EFCAB14: variants seen among roughly 807,000 people sequenced by gnomAD.
The protein encoded by EFCAB14 is EF-hand calcium-binding domain-containing protein 14.
A neutral mutation model predicts 56.5 loss-of-function variants in EFCAB14; 43 were observed. The observed-to-expected ratio is 0.76, with a 90% CI of 0.60 to 0.98. EFCAB14 has a LOEUF of 0.98. Among genes scored for constraint, EFCAB14 ranks in the 50% least tolerant of loss-of-function variants. EFCAB14 has a pLI of 0.00. For missense variants in EFCAB14, 538 were observed against 580.3 expected, an observed-to-expected ratio of 0.93 and a Z score of 0.75; for synonymous variants, 235 against 212.9, an observed-to-expected ratio of 1.10 and a Z score of -0.90.
chr1:46,680,223 C>A (rs1415143078), intron 10 of EFCAB14, among the ~76,000 whole-genome samples: 1 of 152,126 alleles, frequency 6.6e-6, no homozygotes, highest in African/African-American at 2.4e-5. Context: ...ATACTCAAGG[C>A]AAATGAAAAC....
chr1:46,688,441 C>T lies in EFCAB14; in HGVS notation c.899G>A (p.Ser300Asn). 1.9e-6 allele frequency: 3 copies of T among 1,614,014 alleles called. No individual in the cohort carries two copies. Among genetic ancestry groups the T allele is most frequent in the Non-Finnish European group, 2.5e-6 (3 of 1,179,916 alleles). ...CAGGTTGACTCTCTGGGTAAGATTA[C>T]TGACTGTCTCGTTCATTCCCTCGAG... ...LKLEGMNETVSNLTQRVNLIE... is the reference protein window; with the variant it reads ...LKLEGMNETVNNLTQRVNLIE... Residue 300 changes from serine (S) to asparagine (N), a missense_variant, in exon 7 of 11, where the codon AGT becomes AAT. Coordinates refer to ENST00000371933, the MANE Select transcript of EFCAB14 (RefSeq NM_014774.3).
At chr1:46,716,851 C>T (rs1479868390) in intron 1 of EFCAB14, among the ~76,000 whole-genome samples, 2 of 152,222 alleles carry the variant, frequency 1.3e-5, no homozygotes, top group Admixed American at 1.3e-4. Context: ...GAACCTTGCT[C>T]CAGTTTACTG....
rs116141539 is a variant in EFCAB14 at position 46,717,292 on chromosome 1, G to A, written c.185+611C>T. 5.1e-3 allele frequency among the ~76,000 whole-genome samples: 770 copies of A among 152,252 alleles called. 10 individuals are homozygous for A. The highest frequency in any genetic ancestry group is 0.017 in the African/African-American group (714 of 41,538). On this transcript the variant is annotated intron_variant, in intron 1 of 10. Transcript: ENST00000371933. Reference sequence around the variant, plus strand: ...GTGTGCTCTGAGAGAGTCAAAGGACGTTTTTGAAGTTCCCTTTAGTCCTTT... The same window carrying A: ...GTGTGCTCTGAGAGAGTCAAAGGACATTTTTGAAGTTCCCTTTAGTCCTTT...
Position 46,707,931 on chromosome 1 carries a change from A to T in EFCAB14, c.455T>A (p.Ile152Lys), listed in dbSNP as rs1174575739. 1 of 1,610,966 alleles carries T rather than the reference A, an allele frequency of 6.2e-7. No homozygotes were observed. Among genetic ancestry groups the T allele is most frequent in the East Asian group, 2.2e-5 (1 of 44,734 alleles). Reference protein sequence around the residue: ...SGEMGLNKVWINITEMNKQIS... With the variant: ...SGEMGLNKVWKNITEMNKQIS... ...CTGCTTATTCATTTCTGTGATGTTTATCCAGACTTTGTTCAAACCCATCTC... is the reference window on the plus strand; with the variant it reads ...CTGCTTATTCATTTCTGTGATGTTTTTCCAGACTTTGTTCAAACCCATCTC... Residue 152 changes from isoleucine to lysine, a missense_variant, in exon 3 of 11, where the codon ATA becomes AAA. Coordinates refer to ENST00000371933, the MANE Select transcript of EFCAB14 (RefSeq NM_014774.3).
rs367816109 is a variant in EFCAB14, at chr1:46,694,028, T to C, written c.580-2091A>G. The stretch of plus-strand genomic sequence containing the variant: ...GCTGGGAAAACTGGCTAGCCATATG[T>C]AGAAAGCTGAAACTGGATCCCTTCC... On this transcript the variant is annotated intron_variant, in intron 4 of 10. Transcript: ENST00000371933. Among the ~76,000 whole-genome samples, 108 of 152,296 alleles carry C rather than the reference T, an allele frequency of 7.1e-4. 1 individual carries two copies. The highest frequency in any genetic ancestry group is 2.4e-3 in the African/African-American group (100 of 41,558).
intron 3 of EFCAB14, among the ~76,000 whole-genome samples, chr1:46,706,254 C>A (rs1388322188): frequency 6.6e-6 from 1 of 152,176 alleles, no homozygotes; most frequent in Admixed American, 6.5e-5. Context: ...AAAAACCTAT[C>A]AATGACATTG....
At chr1:46,684,678 C>A in intron 8 of EFCAB14, 76 bp from the exon 9 acceptor site, 1 of 1,234,844 alleles carries the variant, frequency 8.1e-7, no homozygotes, top group Non-Finnish European at 1.2e-6. Context: ...ATTCCCAGAG[C>A]CTGTTTAGCA....
intron 3 of EFCAB14, among the ~76,000 whole-genome samples, chr1:46,706,026 G>A (rs183273471): frequency 2.0e-5 from 3 of 151,684 alleles, no homozygotes; most frequent in Admixed American, 1.3e-4. Context: ...CACCATGCCC[G>A]GCTAATTATT....
At chr1:46,691,558 TC>T (rs1676992561) in intron 5 of EFCAB14, among the ~76,000 whole-genome samples, 1 of 152,240 alleles carries the variant, frequency 6.6e-6, no homozygotes. Context: ...TTCCTTCTTT[TC>T]CATTTTCTGT....
In EFCAB14 at chr1:46,683,228, C is replaced by T. The variant is rs1041539113; in HGVS notation, c.1312+72G>A. On this transcript the variant is annotated intron_variant, in intron 10 of 10. Coordinates refer to ENST00000371933, the MANE Select transcript of EFCAB14 (RefSeq NM_014774.3). ...AATGTTAGATCATATATATTTTTGA[C>T]AAGTGAAAATAAACATTAAAAAGTT... is the stretch of plus-strand genomic sequence containing the variant. 9.9e-6 allele frequency: 15 copies of T among 1,516,552 alleles called. No individual in the cohort carries two copies. The African/African-American group carries it at 2.0e-4, about 20-fold the overall frequency. 93.9% of individuals were successfully genotyped at this position (1,516,552 alleles called of 1,614,324 possible).
chr1:46,712,821 A>G (rs1464708527), intron 2 of EFCAB14, among the ~76,000 whole-genome samples: 5 of 151,168 alleles, frequency 3.3e-5, no homozygotes, highest in African/African-American at 9.8e-5. Flanking sequence ...CAGCCTGGCC[A>G]ACAAGGTGAA....
At chr1:46,707,781 C>G in intron 3 of EFCAB14, 125 bp downstream of exon 3, 4 of 919,560 alleles carry the variant, frequency 4.3e-6, no homozygotes, top group Non-Finnish European at 6.2e-6. Context: ...TATGCAAAAC[C>G]CCATTTCAAA....
chr1:46,688,644 G>C lies in EFCAB14; in HGVS notation c.796-100C>G, dbSNP rs1392809866. 4.1e-6 allele frequency: 4 copies of C among 980,726 alleles called. No homozygotes were observed. In the African/African-American group the frequency reaches 6.6e-5, roughly 16 times the overall value. The allele number at this position is 980,726 out of a possible 1,614,324, so 60.8% of individuals were successfully genotyped here. ...AACCATTACTATGTCAAGTACTGAA[G>C]TAAACTCCTTTTCCTGGTTTTGACC... On this transcript the variant is annotated intron_variant, in intron 6 of 10. Coordinates refer to ENST00000371933, the MANE Select transcript of EFCAB14 (RefSeq NM_014774.3).
intron 3 of EFCAB14, among the ~76,000 whole-genome samples, chr1:46,697,854 C>CTTTT (rs759488898): frequency 7.4e-6 from 1 of 134,620 alleles, no homozygotes; most frequent in Non-Finnish European, 1.6e-5. Flanking sequence ...CTCTCTCTCT[C>CTTTT]TTTTTTTTTT....
chr1:46,709,325 C>A (rs1026104860), intron 2 of EFCAB14, among the ~76,000 whole-genome samples: 2 of 152,152 alleles, frequency 1.3e-5, no homozygotes, highest in Non-Finnish European at 2.9e-5. Flanking sequence ...GCCTCATGAC[C>A]CTTGCACATG....
At chr1:46,682,714 T>C (rs1324822042) in intron 10 of EFCAB14, among the ~76,000 whole-genome samples, 1 of 152,176 alleles carries the variant, frequency 6.6e-6, no homozygotes. Context: ...AAAGATAATA[T>C]AGTACACTGG....
intron 3 of EFCAB14, among the ~76,000 whole-genome samples, chr1:46,698,693 G>A (rs1677109986): frequency 6.6e-6 from 1 of 152,156 alleles, no homozygotes; most frequent in South Asian, 2.1e-4. Flanking sequence ...AGAAGTTTAG[G>A]TGGCAGGATC....
At position 46,696,665 on chromosome 1, in the gene EFCAB14, TAACA is replaced by T. The variant is rs1239770797; in HGVS notation, c.481-20_481-17del. On this transcript the variant is annotated splice_polypyrimidine_tract_variant and intron_variant, in intron 3 of 10. Coordinates refer to ENST00000371933, the MANE Select transcript of EFCAB14 (RefSeq NM_014774.3). Reference sequence around the variant, plus strand: ...ACAGAGAAATCTGAACAAAAAAGAGTAACAAACAATGAAAACAAATGAGAATTTG... The same window carrying T: ...ACAGAGAAATCTGAACAAAAAAGAGTAACAATGAAAACAAATGAGAATTTG... 3 of 1,608,768 alleles carry T rather than the reference TAACA, an allele frequency of 1.9e-6. No individual in the cohort carries two copies. The highest frequency in any genetic ancestry group is 1.1e-5 in the South Asian group (1 of 90,916).
Position 46,689,707 on chromosome 1 carries a change from A to C in EFCAB14, c.691-16T>G. 1 of 1,609,916 alleles carries C rather than the reference A, an allele frequency of 6.2e-7. No homozygotes were observed. The highest frequency in any genetic ancestry group is 8.5e-7 in the Non-Finnish European group (1 of 1,176,280). ...AGTGCTGATTCTGTTAAGAGGAAAG[A>C]AGTTTAGTGTAGGCAACAAGGAATT... On this transcript the variant is annotated splice_polypyrimidine_tract_variant and intron_variant, in intron 5 of 10. Transcript: ENST00000371933.
Sources: gnomAD v4.1 joint callset for allele counts (sites outside exome capture counted in the v4.1 genomes callset) on GRCh38, gnomAD v4.1.1 for gene constraint, MANE v1.5 for transcripts, NCBI Gene and HGNC (gene_info 2026-07-23, HGNC 2026-07-21) for gene names.